DPYD: variants seen among roughly 807,000 people sequenced by gnomAD.
The protein encoded by DPYD is dihydropyrimidine dehydrogenase [NADP(+)].
In DPYD, 109 loss-of-function variants were observed where a neutral mutation model predicts 116.2. The observed-to-expected ratio is 0.94, with a 90% CI of 0.80 to 1.10. The LOEUF (loss-of-function observed/expected upper bound fraction) is 1.10, where lower values mean the gene tolerates loss of function less well. DPYD is among the 50% of genes least tolerant of loss of function. The pLI is 0.00. For synonymous variants in DPYD, 440 were observed against 432.0 expected, an observed-to-expected ratio of 1.02 and a Z score of -0.23; for missense variants, 1,302 against 1,254.5, an observed-to-expected ratio of 1.04 and a Z score of -0.57.
intron 8 of DPYD, among the ~76,000 whole-genome samples, chr1:97,675,752 T>TA (rs1660108691): frequency 7.4e-6 from 1 of 135,456 alleles, no homozygotes; most frequent in African/African-American, 3.0e-5. Context: ...AAAGTATCTC[T>TA]TTTTTTTTTT....
chr1:97,487,459 G>C (rs1443490225), intron 13 of DPYD, among the ~76,000 whole-genome samples: 1 of 151,942 alleles, frequency 6.6e-6, no homozygotes, highest in Non-Finnish European at 1.5e-5. Context: ...GGATCACGAG[G>C]TCAGGAGATC....
chr1:97,464,670 C>A (rs1216891478), intron 13 of DPYD, among the ~76,000 whole-genome samples: 1 of 152,182 alleles, frequency 6.6e-6, no homozygotes, highest in Non-Finnish European at 1.5e-5. Flanking sequence ...GTTGAGCCTG[C>A]AGGTGCACAG....
intron 20 of DPYD, among the ~76,000 whole-genome samples, chr1:97,160,368 G>A (rs1655799545): frequency 7.0e-3 from 1 of 142 alleles, no homozygotes; most frequent in Non-Finnish European, 0.016. Context: ...ATAATAGAAT[G>A]TTGGTTATAC....
At chr1:97,607,353 T>C (rs1388088585) in intron 8 of DPYD, among the ~76,000 whole-genome samples, 3 of 151,950 alleles carry the variant, frequency 2.0e-5, no homozygotes, top group Non-Finnish European at 4.4e-5. Context: ...TTTTATTACA[T>C]GTCCTTCTTC....
intron 11 of DPYD, among the ~76,000 whole-genome samples, chr1:97,569,764 T>G (rs899299901): frequency 3.9e-5 from 6 of 152,144 alleles, no homozygotes; most frequent in African/African-American, 1.4e-4. Context: ...GCCTTTAAAA[T>G]TTGAGCTAGT....
chr1:97,636,389 G>C (rs1657562380), intron 8 of DPYD, among the ~76,000 whole-genome samples: 1 of 151,762 alleles, frequency 6.6e-6, no homozygotes, highest in Non-Finnish European at 1.5e-5. Flanking sequence ...CATCACATCT[G>C]AGTCCTACCG....
chr1:97,770,381 A>C (rs1344006592), intron 3 of DPYD, among the ~76,000 whole-genome samples: 1 of 152,182 alleles, frequency 6.6e-6, no homozygotes, highest in Admixed American at 6.6e-5. Flanking sequence ...TTTTTCAATA[A>C]ATTAATTCAA....
At chr1:97,556,723 T>C (rs1041444587) in intron 11 of DPYD, among the ~76,000 whole-genome samples, 49 of 149,980 alleles carry the variant, frequency 3.3e-4, no homozygotes, top group African/African-American at 1.2e-3. Context: ...CCATGGTGTA[T>C]ATGTGCCACA....
chr1:97,510,720 G>GTATT (rs1647723872), intron 13 of DPYD, among the ~76,000 whole-genome samples: 1 of 151,938 alleles, frequency 6.6e-6, no homozygotes, highest in Non-Finnish European at 1.5e-5. Context: ...TAAGTGGATG[G>GTATT]TATTTACCTA....
chr1:97,918,689 T>C (rs537603383), intron 1 of DPYD, among the ~76,000 whole-genome samples: 4 of 152,344 alleles, frequency 2.6e-5, no homozygotes, highest in African/African-American at 9.6e-5. Context: ...GCTGTTTCAC[T>C]GAAACCTGAG....
intron 8 of DPYD, among the ~76,000 whole-genome samples, chr1:97,602,165 T>G (rs565879376): frequency 1.3e-5 from 2 of 152,162 alleles, no homozygotes; most frequent in Admixed American, 6.5e-5. Flanking sequence ...TTTGAAAATC[T>G]GATACATGCT....
At chr1:97,705,987 T>C (rs1349178567) in intron 5 of DPYD, among the ~76,000 whole-genome samples, 2 of 152,094 alleles carry the variant, frequency 1.3e-5, no homozygotes, top group Non-Finnish European at 2.9e-5. Flanking sequence ...GTTTTTTTTC[T>C]TGTAAATTTG....
At chr1:97,850,945 G>GA (rs1225852464) in intron 2 of DPYD, among the ~76,000 whole-genome samples, 1 of 151,674 alleles carries the variant, frequency 6.6e-6, no homozygotes, top group African/African-American at 2.4e-5. Flanking sequence ...CTACTTCACA[G>GA]AAAAAAATGA....
At chr1:97,826,601 A>G (rs893068947) in intron 3 of DPYD, among the ~76,000 whole-genome samples, 1 of 152,174 alleles carries the variant, frequency 6.6e-6, no homozygotes, top group Non-Finnish European at 1.5e-5. Flanking sequence ...CATAATAAGC[A>G]TTTACAAAAA....
intron 1 of DPYD, among the ~76,000 whole-genome samples, chr1:97,913,141 C>T (rs984826871): frequency 2.6e-5 from 4 of 151,998 alleles, no homozygotes; most frequent in South Asian, 2.1e-4. Flanking sequence ...ATATATAGTA[C>T]GATTGAACTT....
At position 97,143,394 on chromosome 1, in the gene DPYD, C is replaced by T. The variant is rs1324490151; in HGVS notation, c.2623-44762G>A. ...CACTCAGAGCAAATTATTTGAACTTCTAAGTGAATTAACCCACAAAAATGA... is the reference window on the plus strand; with the variant it reads ...CACTCAGAGCAAATTATTTGAACTTTTAAGTGAATTAACCCACAAAAATGA... On this transcript the variant is annotated intron_variant, in intron 20 of 22. Transcript: ENST00000370192. 2.0e-5 allele frequency among the ~76,000 whole-genome samples: 3 copies of T among 152,096 alleles called. No homozygotes were observed. In the East Asian group the frequency reaches 5.8e-4, roughly 29 times the overall value.
intron 19 of DPYD, among the ~76,000 whole-genome samples, chr1:97,200,687 T>A (rs892101220): frequency 4.6e-5 from 7 of 152,214 alleles, no homozygotes; most frequent in African/African-American, 1.7e-4. Context: ...ATCTATACAA[T>A]GATTTATAGT....
At chr1:97,611,413 G>A (rs111600558) in intron 8 of DPYD, among the ~76,000 whole-genome samples, 45 of 152,060 alleles carry the variant, frequency 3.0e-4, no homozygotes, top group Middle Eastern at 3.4e-3. Flanking sequence ...GTGATAAACC[G>A]TATCAGTGAG....
intron 8 of DPYD, among the ~76,000 whole-genome samples, chr1:97,636,921 T>C (rs901421056): frequency 6.6e-6 from 1 of 152,122 alleles, no homozygotes; most frequent in Non-Finnish European, 1.5e-5. Flanking sequence ...AGGCATACAA[T>C]GTTGCAAAAT....
Sources: gnomAD v4.1 joint callset for allele counts (sites outside exome capture counted in the v4.1 genomes callset) on GRCh38, gnomAD v4.1.1 for gene constraint, MANE v1.5 for transcripts, NCBI Gene and HGNC (gene_info 2026-07-23, HGNC 2026-07-21) for gene names.